ZNRF2: variants seen among roughly 807,000 people sequenced by gnomAD.
ZNRF2 encodes the protein E3 ubiquitin-protein ligase ZNRF2.
Under a neutral mutation model 20.4 loss-of-function variants are expected in ZNRF2, and 16 were observed. That is an observed-to-expected ratio of 0.79 (90% CI 0.53 to 1.19). The LOEUF (loss-of-function observed/expected upper bound fraction) is 1.19. Among genes scored for constraint, ZNRF2 ranks in the 50% most tolerant of loss-of-function variants. The probability of loss-of-function intolerance (pLI) is 0.00; values close to 1 mark genes in which losing one functional copy is unlikely to be tolerated. For missense variants in ZNRF2, 363 were observed against 332.4 expected, an observed-to-expected ratio of 1.09 and a Z score of -0.72; for synonymous variants, 178 against 144.9, an observed-to-expected ratio of 1.23 and a Z score of -1.64.
intron 1 of ZNRF2, among the ~76,000 whole-genome samples, chr7:30,296,241 G>C (rs1240351923): frequency 6.6e-6 from 1 of 152,114 alleles, no homozygotes; most frequent in Non-Finnish European, 1.5e-5. Flanking sequence ...AACCAAATAG[G>C]TATAATATAG....
intron 1 of ZNRF2, among the ~76,000 whole-genome samples, chr7:30,307,317 T>G (rs1318084754): frequency 1.5e-5 from 2 of 129,984 alleles, no homozygotes; most frequent in African/African-American, 7.3e-5. Context: ...CTTTCTGCTG[T>G]TTTTTTTTGT....
intron 2 of ZNRF2, among the ~76,000 whole-genome samples, chr7:30,338,276 ATT>A (rs535216493): frequency 0.02 from 2,693 of 137,248 alleles, 85 homozygotes; most frequent in African/African-American, 0.067. Context: ...TGCTGTGCCC[ATT>A]TTTTTTTTTT....
At chr7:30,305,944 AT>A (rs1179349858) in intron 1 of ZNRF2, among the ~76,000 whole-genome samples, 1 of 152,138 alleles carries the variant, frequency 6.6e-6, no homozygotes, top group Non-Finnish European at 1.5e-5. Flanking sequence ...TGGGTATCTT[AT>A]TTATTACTGT....
At chr7:30,361,493 A>G (rs935562803) in intron 3 of ZNRF2, among the ~76,000 whole-genome samples, 2 of 152,238 alleles carry the variant, frequency 1.3e-5, no homozygotes, top group African/African-American at 2.4e-5. Context: ...TATGTCACCA[A>G]TGAAAATGTT....
chr7:30,301,715 A>AC (rs1562605897), intron 1 of ZNRF2, among the ~76,000 whole-genome samples: 6 of 151,808 alleles, frequency 4.0e-5, no homozygotes, highest in Admixed American at 2.6e-4. Flanking sequence ...AAAAAAAAAA[A>AC]AAAAAAAACT....
intron 1 of ZNRF2, among the ~76,000 whole-genome samples, chr7:30,319,164 G>C (rs1455720213): frequency 6.6e-6 from 1 of 151,822 alleles, no homozygotes; most frequent in Non-Finnish European, 1.5e-5. Context: ...TTTAGAGACA[G>C]AGTCTTACCC....
chr7:30,295,084 T>A lies in ZNRF2; in HGVS notation c.469+9258T>A, dbSNP rs1288543931. 4.9e-4 allele frequency among the ~76,000 whole-genome samples: 72 copies of A among 145,594 alleles called. 3 individuals are homozygous for A. Among genetic ancestry groups the A allele is most frequent in the African/African-American group, 1.7e-3 (63 of 36,692 alleles). On this transcript the variant is annotated intron_variant, in intron 1 of 4. Transcript: ENST00000323037. Reference sequence around the variant, plus strand: ...GTGTGTGTGTGTGTGTGTGTGTGTGTGTGTGTGTGTGTGTGTGATTGCAGG... The same window carrying A: ...GTGTGTGTGTGTGTGTGTGTGTGTGAGTGTGTGTGTGTGTGTGATTGCAGG...
At position 30,323,622 on chromosome 7, in the gene ZNRF2, G is replaced by A; in HGVS notation, c.470-20G>A. 1 of 1,493,534 alleles carries A rather than the reference G, an allele frequency of 6.7e-7. No individual in the cohort carries two copies. The highest frequency in any genetic ancestry group is 9.1e-7 in the Non-Finnish European group (1 of 1,095,268). 92.5% of individuals were successfully genotyped at this position (1,493,534 alleles called of 1,614,324 possible). On this transcript the variant is annotated intron_variant, in intron 1 of 4. Coordinates refer to ENST00000323037, the MANE Select transcript of ZNRF2 (RefSeq NM_147128.4). ...GATATTCAGAATAGTTAAGTAACTT[G>A]AGTTTCTTTTGTTTTTTAGGATTTA... is the stretch of plus-strand genomic sequence containing the variant.
At chr7:30,295,741 T>C (rs1799009722) in intron 1 of ZNRF2, among the ~76,000 whole-genome samples, 1 of 152,206 alleles carries the variant, frequency 6.6e-6, no homozygotes, top group South Asian at 2.1e-4. Flanking sequence ...TTTGTAGTAT[T>C]GTGAGGGTTA....
intron 1 of ZNRF2, among the ~76,000 whole-genome samples, chr7:30,297,095 T>C (rs113940531): frequency 0.077 from 11,659 of 152,246 alleles, 1,062 homozygotes; most frequent in African/African-American, 0.22. Context: ...CTGTACAATT[T>C]TGTGTTTTCT....
chr7:30,359,637 C>T (rs1244882054), intron 3 of ZNRF2, among the ~76,000 whole-genome samples: 1 of 152,184 alleles, frequency 6.6e-6, no homozygotes, highest in Non-Finnish European at 1.5e-5. Context: ...AGACCATGGG[C>T]TTTGCTGTGG....
chr7:30,303,337 A>T (rs887291250), intron 1 of ZNRF2, among the ~76,000 whole-genome samples: 3 of 152,096 alleles, frequency 2.0e-5, no homozygotes, highest in Non-Finnish European at 4.4e-5. Context: ...AATTAATTTT[A>T]TAGTAATTTG....
chr7:30,308,540 C>T (rs554228537), intron 1 of ZNRF2, among the ~76,000 whole-genome samples: 8 of 152,078 alleles, frequency 5.3e-5, no homozygotes, highest in South Asian at 4.1e-4. Flanking sequence ...TCTAGGAAAC[C>T]GAAACAAGCT....
chr7:30,361,915 G>A (rs1262234353), intron 3 of ZNRF2, among the ~76,000 whole-genome samples: 1 of 152,076 alleles, frequency 6.6e-6, no homozygotes, highest in East Asian at 1.9e-4. Flanking sequence ...TACATGGTGG[G>A]ATAGGATTTA....
chr7:30,365,429 A>T (rs544054613), intron 4 of ZNRF2, among the ~76,000 whole-genome samples: 34 of 152,228 alleles, frequency 2.2e-4, no homozygotes, highest in Non-Finnish European at 3.7e-4. Flanking sequence ...AACTCTGTTA[A>T]TCAGGTGTCT....
At chr7:30,331,742 A>T (rs1799637884) in intron 2 of ZNRF2, among the ~76,000 whole-genome samples, 1 of 152,238 alleles carries the variant, frequency 6.6e-6, no homozygotes, top group Non-Finnish European at 1.5e-5. Flanking sequence ...ATAAATCCAT[A>T]TCTAGAGACA....
chr7:30,336,533 A>G (rs1187920105), intron 2 of ZNRF2, among the ~76,000 whole-genome samples: 1 of 152,194 alleles, frequency 6.6e-6, no homozygotes, highest in Middle Eastern at 3.2e-3. Flanking sequence ...AAAGTATTGT[A>G]GGCATAGAGA....
chr7:30,352,586 G>A (rs150190138), intron 2 of ZNRF2, among the ~76,000 whole-genome samples: 157 of 152,148 alleles, frequency 1.0e-3, no homozygotes, highest in African/African-American at 3.7e-3. Flanking sequence ...AACATGTTTA[G>A]TTCCCTGTTG....
chr7:30,289,931 A>G (rs755043695), intron 1 of ZNRF2: 1 of 531,860 alleles, frequency 1.9e-6, no homozygotes, highest in Non-Finnish European at 3.9e-6. Context: ...GTGACCAGTA[A>G]CTAAGTTCTT....
Sources: allele counts gnomAD v4.1 joint callset (sites outside exome capture counted in the v4.1 genomes callset), GRCh38; gene constraint gnomAD v4.1.1; transcripts MANE v1.5; gene names NCBI Gene and HGNC (gene_info 2026-07-23, HGNC 2026-07-21).